LOC728743: variants seen among roughly 807,000 people sequenced by gnomAD.
At chr7:150,408,516 C>G in the LOC728743 span, 2 of 271,038 alleles carry the variant, frequency 7.4e-6, no homozygotes, top group African/African-American at 4.5e-5. Context: ...GGCCAGAGCC[C>G]CTCTCAGGGC....
the LOC728743 span, among the ~76,000 whole-genome samples, chr7:150,406,172 G>A: frequency 2.0e-5 from 3 of 152,196 alleles, no homozygotes; most frequent in Non-Finnish European, 2.9e-5. Context: ...TCGAGGGTAC[G>A]GAAGACAGAG....
chr7:150,407,377 G>A, the LOC728743 span, among the ~76,000 whole-genome samples: 247 of 152,314 alleles, frequency 1.6e-3, 2 homozygotes, highest in Admixed American at 0.014. Context: ...GGAAGGGACT[G>A]GAAGGAGTGT....
the LOC728743 span, chr7:150,407,711 G>A: frequency 2.5e-6 from 1 of 399,664 alleles, no homozygotes; most frequent in East Asian, 3.6e-5. Context: ...CCCTGCAGAG[G>A]AGCAGCCCTA....
chr7:150,407,557 C>G, the LOC728743 span: 1 of 398,124 alleles, frequency 2.5e-6, no homozygotes, highest in Admixed American at 4.4e-5. Flanking sequence ...CCACCCCCCA[C>G]CCCCGCCCCC....
chr7:150,406,601 C>T, the LOC728743 span, among the ~76,000 whole-genome samples: 1 of 152,184 alleles, frequency 6.6e-6, no homozygotes, highest in South Asian at 2.1e-4. Context: ...GTTTCCCCAT[C>T]TTTAAAGTGG....
the LOC728743 span, chr7:150,400,749 C>A: frequency 6.6e-6 from 1 of 152,354 alleles, no homozygotes; most frequent in South Asian, 2.1e-4. Context: ...CTTCTCACTT[C>A]TCATTCTCTT....
At chr7:150,411,774 C>T in the LOC728743 span, 1 of 152,374 alleles carries the variant, frequency 6.6e-6, no homozygotes, top group Non-Finnish European at 1.5e-5. Context: ...GAGGAAACCT[C>T]CACACACGCC....
the LOC728743 span, chr7:150,408,587 G>T: frequency 1.1e-5 from 2 of 181,936 alleles, no homozygotes; most frequent in Non-Finnish European, 2.3e-5. Flanking sequence ...GGCGGTCTGG[G>T]TACCGGGCTG....
the LOC728743 span, chr7:150,405,358 T>A: frequency 6.6e-6 from 1 of 151,618 alleles, no homozygotes; most frequent in African/African-American, 2.4e-5. Context: ...CGGCGGGAGG[T>A]TACCGTATTT....
chr7:150,402,743 G>A, the LOC728743 span, among the ~76,000 whole-genome samples: 1 of 152,148 alleles, frequency 6.6e-6, no homozygotes, highest in Non-Finnish European at 1.5e-5. Flanking sequence ...GCTGAGTGAG[G>A]AAGCCCTAGG....
At chr7:150,405,448 T>C in the LOC728743 span, 1 of 149,714 alleles carries the variant, frequency 6.7e-6, no homozygotes, top group Non-Finnish European at 1.5e-5. Context: ...GCAGGTCCTT[T>C]CCGGGAGTGG....
the LOC728743 span, among the ~76,000 whole-genome samples, chr7:150,401,165 C>T: frequency 0.82 from 124,140 of 152,202 alleles, 51,452 homozygotes; most frequent in Non-Finnish European, 0.9. Context: ...CTGCCTGCAT[C>T]ATCCTTGTAT....
At chr7:150,407,905 CCCCGAGTGCGGCCGCTG>C in the LOC728743 span, 1 of 417,384 alleles carries the variant, frequency 2.4e-6, no homozygotes, top group Non-Finnish European at 4.3e-6. Flanking sequence ...CCTTCCCCTG[CCCCGAGTGCGGCCGCTG>C]CTTCAGCCTC....
At chr7:150,409,796 C>G in the LOC728743 span, among the ~76,000 whole-genome samples, 1 of 152,062 alleles carries the variant, frequency 6.6e-6, no homozygotes, top group Non-Finnish European at 1.5e-5. Context: ...GCTGGAGACT[C>G]GTCCCTCCCC....
At chr7:150,400,730 G>C in the LOC728743 span, 1 of 152,154 alleles carries the variant, frequency 6.6e-6, no homozygotes, top group Admixed American at 6.5e-5. Context: ...AGGATGGGGT[G>C]GTACTGTCCT....
chr7:150,405,059 T>G, the LOC728743 span: 3 of 152,232 alleles, frequency 2.0e-5, no homozygotes, highest in African/African-American at 7.2e-5. Flanking sequence ...CCTCAGGGAA[T>G]CCCGAAAGGG....
chr7:150,405,037 GCCGAATGCAGGCCTCAGGGAATC>G, the LOC728743 span: 1 of 152,282 alleles, frequency 6.6e-6, no homozygotes, highest in Non-Finnish European at 1.5e-5. Context: ...TGCTATAACG[GCCGAATGCAGGCCTCAGGGAATC>G]CCGAAAGGGG....
At chr7:150,409,840 G>A in the LOC728743 span, among the ~76,000 whole-genome samples, 12 of 152,092 alleles carry the variant, frequency 7.9e-5, no homozygotes, top group African/African-American at 2.7e-4. Context: ...GTGCTATGTG[G>A]CTATGGCTCC....
At chr7:150,400,848 C>G in the LOC728743 span, 5 of 152,178 alleles carry the variant, frequency 3.3e-5, no homozygotes, top group South Asian at 1.0e-3. Context: ...ATTTGTTATC[C>G]TAGTGGGTTA....
Sources: gnomAD v4.1 joint callset for allele counts (sites outside exome capture counted in the v4.1 genomes callset) on GRCh38, gnomAD v4.1.1 for gene constraint, MANE v1.5 for transcripts.